The following TASP1 variants were observed in gnomAD, a reference collection of about 807,000 sequenced individuals.
The protein encoded by TASP1 is threonine aspartase 1.
A neutral mutation model predicts 56.6 loss-of-function variants in TASP1; 16 were observed. That is an observed-to-expected ratio of 0.28 (90% CI 0.19 to 0.43). TASP1 has a LOEUF of 0.43. Ranked by LOEUF, TASP1 falls within the 20% of genes least tolerant of loss-of-function variation. The pLI, the probability that TASP1 is intolerant of heterozygous loss-of-function variation, is 1.00. For synonymous variants in TASP1, 179 were observed against 184.2 expected (o/e 0.97, Z 0.23); for missense variants, 393 against 511.6 (o/e 0.77, Z 2.24).
the TASP1 span, among the ~76,000 whole-genome samples, chr20:13,157,569 T>C: frequency 6.6e-6 from 1 of 151,642 alleles, no homozygotes; most frequent in Non-Finnish European, 1.5e-5. Flanking sequence ...CTTTAGTCCA[T>C]AGGAAAAAAA....
At chr20:13,306,564 C>CAAAAAAAAAAAAAAAAAAAAAAAAA in the TASP1 span, among the ~76,000 whole-genome samples, 5 of 63,914 alleles carry the variant, frequency 7.8e-5, no homozygotes, top group African/African-American at 2.2e-4. Context: ...GGAGAAAGGA[C>CAAAAAAAAAAAAAAAAAAAAAAAAA]AAAAAAAAAA....
the TASP1 span, among the ~76,000 whole-genome samples, chr20:13,374,278 T>A: frequency 6.6e-6 from 1 of 152,126 alleles, no homozygotes; most frequent in Non-Finnish European, 1.5e-5. Flanking sequence ...TGTGTGAGCA[T>A]CCGTGTGTGT....
chr20:13,126,249 T>C, the TASP1 span, among the ~76,000 whole-genome samples: 5 of 152,160 alleles, frequency 3.3e-5, no homozygotes, highest in African/African-American at 1.2e-4. Context: ...CCTGTATTCT[T>C]TGGGCACTGA....
the TASP1 span, among the ~76,000 whole-genome samples, chr20:13,230,495 C>A: frequency 6.6e-6 from 1 of 152,096 alleles, no homozygotes; most frequent in Non-Finnish European, 1.5e-5. Context: ...TCTCTCTCAT[C>A]TTCTGAGAGC....
the TASP1 span, among the ~76,000 whole-genome samples, chr20:13,119,791 A>G: frequency 2.0e-5 from 3 of 152,234 alleles, no homozygotes; most frequent in Non-Finnish European, 4.4e-5. Context: ...AACCTTGAAA[A>G]CATAGGGGCT....
chr20:13,312,190 C>G, the TASP1 span, among the ~76,000 whole-genome samples: 1 of 152,010 alleles, frequency 6.6e-6, no homozygotes, highest in Admixed American at 6.6e-5. Flanking sequence ...AACCAAGTAC[C>G]AAAAGTAAGC....
intron 2 of TASP1, among the ~76,000 whole-genome samples, chr20:13,627,754 A>G (rs935212839): frequency 6.6e-6 from 1 of 151,648 alleles, no homozygotes; most frequent in Admixed American, 6.6e-5. Context: ...AAAAAAGTTG[A>G]GCCATTAAAT....
chr20:13,485,283 A>G (rs1352707587), intron 10 of TASP1, among the ~76,000 whole-genome samples: 1 of 152,198 alleles, frequency 6.6e-6, no homozygotes, highest in Admixed American at 6.5e-5. Context: ...TATTATAAAT[A>G]GTCAATTAGA....
intron 5 of TASP1, among the ~76,000 whole-genome samples, chr20:13,581,950 C>T (rs1286741835): frequency 6.6e-6 from 1 of 152,016 alleles, no homozygotes; most frequent in Non-Finnish European, 1.5e-5. Context: ...GGAGACCATA[C>T]CCTTCATCAC....
the TASP1 span, among the ~76,000 whole-genome samples, chr20:13,174,431 C>T: frequency 1.4e-4 from 21 of 152,088 alleles, no homozygotes; most frequent in South Asian, 2.1e-4. Flanking sequence ...GGTGTGGTGG[C>T]GCATGCCTGT....
At chr20:13,513,141 T>A (rs116057079) in intron 10 of TASP1, among the ~76,000 whole-genome samples, 479 of 152,284 alleles carry the variant, frequency 3.1e-3, no homozygotes, top group African/African-American at 0.011. Flanking sequence ...CTAGTTCCAG[T>A]TTACCAATGA....
intron 12 of TASP1, among the ~76,000 whole-genome samples, chr20:13,433,933 T>C (rs984379560): frequency 6.6e-6 from 1 of 150,794 alleles, no homozygotes; most frequent in Non-Finnish European, 1.5e-5. Flanking sequence ...ATGTACAAAC[T>C]CCTACTGCAT....
the TASP1 span, chr20:13,165,474 G>A: frequency 6.6e-6 from 1 of 152,206 alleles, no homozygotes; most frequent in African/African-American, 2.4e-5. Context: ...GATCAACTGC[G>A]ACTAGAGACG....
Position 13,473,790 on chromosome 20 carries a change from G to A in TASP1, c.985+9437C>T, listed in dbSNP as rs140574571. ...TTCACCACATTAAGAGTTTAACTAT[G>A]GGCCAGGCATGGTGGCTCACAACTG... On this transcript the variant is annotated intron_variant, in intron 11 of 13. Coordinates refer to ENST00000337743, the MANE Select transcript of TASP1 (RefSeq NM_017714.3). Among the ~76,000 whole-genome samples the A allele has an allele frequency of 1.2e-4, 18 of 152,206 alleles. No homozygotes were observed. In the East Asian group the frequency reaches 2.1e-3, roughly 18 times the overall value.
intron 8 of TASP1, among the ~76,000 whole-genome samples, chr20:13,549,423 GGTGT>G (rs138769695): frequency 2.0e-5 from 3 of 150,952 alleles, no homozygotes; most frequent in South Asian, 2.1e-4. Context: ...ACTTGTAATA[GGTGT>G]GTGTGTGTGT....
chr20:13,220,356 G>A, the TASP1 span, among the ~76,000 whole-genome samples: 1 of 152,188 alleles, frequency 6.6e-6, no homozygotes, highest in Non-Finnish European at 1.5e-5. Flanking sequence ...GGATCCCAGA[G>A]CCCTTCCATT....
At chr20:13,530,779 GCTGAGA>G (rs2045190293) in intron 9 of TASP1, among the ~76,000 whole-genome samples, 1 of 152,062 alleles carries the variant, frequency 6.6e-6, no homozygotes, top group Non-Finnish European at 1.5e-5. Flanking sequence ...AATTCATTGG[GCTGAGA>G]CAGTGATAGG....
rs537940214 is a variant in TASP1 at position 13,434,983 on chromosome 20, T to A, written c.1096+61A>T. The A allele has an allele frequency of 6.7e-5, 83 of 1,247,586 alleles. 1 individual carries two copies. In the East Asian group the frequency reaches 1.9e-3, roughly 29 times the overall value. The allele number at this position is 1,247,586 out of a possible 1,614,324, so 77.3% of individuals were successfully genotyped here. The stretch of plus-strand genomic sequence containing the variant: ...AATTATTGACTTAAGGGTATAAATA[T>A]TTTCATTTTTTCTTGGAAAAAAAAA... On this transcript the variant is annotated intron_variant, in intron 12 of 13. Transcript: ENST00000337743.
the TASP1 span, among the ~76,000 whole-genome samples, chr20:13,370,184 A>G: frequency 6.6e-6 from 1 of 152,222 alleles, no homozygotes; most frequent in Non-Finnish European, 1.5e-5. Flanking sequence ...GCAAGTTTGA[A>G]CATGCTTGAA....
Sources: gnomAD v4.1 joint callset for allele counts (sites outside exome capture counted in the v4.1 genomes callset) on GRCh38, gnomAD v4.1.1 for gene constraint, MANE v1.5 for transcripts, NCBI Gene and HGNC (gene_info 2026-07-23, HGNC 2026-07-21) for gene names.